Variants in USP6 observed in about 807,000 individuals in gnomAD.
The protein encoded by USP6 is ubiquitin carboxyl-terminal hydrolase 6.
Under a neutral mutation model 175.7 loss-of-function variants are expected in USP6, and 128 were observed. The observed-to-expected ratio is 0.73, with a 90% CI of 0.63 to 0.84. The LOEUF is 0.84. USP6 is among the 40% of genes least tolerant of loss of function. The pLI, the probability that USP6 is intolerant of heterozygous loss-of-function variation, is 0.00. For missense variants in USP6, 1,498 were observed against 1,760.3 expected (o/e 0.85, Z 2.67); for synonymous variants, 562 against 630.6 (o/e 0.89, Z 1.63).
intron 31 of USP6, among the ~76,000 whole-genome samples, chr17:5,155,958 A>C (rs1403124322): frequency 6.6e-6 from 1 of 152,166 alleles, no homozygotes; most frequent in Non-Finnish European, 1.5e-5. Context: ...GTGTTGCAGA[A>C]GTAGAGAGTA....
rs757258155 is a variant in USP6, at chr17:5,146,086, A to G, written c.2231A>G (p.Tyr744Cys). The G allele has an allele frequency of 3.1e-6, 5 of 1,613,396 alleles. No individual in the cohort carries two copies. The African/African-American group carries it at 4.0e-5, about 13-fold the overall frequency. Residue 744 changes from tyrosine to cysteine, a missense_variant, in exon 28 of 38, where the codon TAC becomes TGC. Physicochemically the swap from Tyr to Cys is radical, Grantham distance 194. This residue lies in a region of USP6 where 1,217 missense variants were observed against 1,500.8 expected (regional missense o/e 0.81). Transcript: ENST00000574788. ...CTAAGACTGAATATGGATGAAAAGT[A>G]CACAGGTTTAAAAAAACAGCTGAGG... ...YGLRLNMDEK[Y>C]TGLKKQLRDL...
chr17:5,169,845 C>T (rs560460066), intron 35 of USP6, among the ~76,000 whole-genome samples: 5 of 152,306 alleles, frequency 3.3e-5, no homozygotes, highest in South Asian at 4.1e-4. Context: ...GGAATAATAT[C>T]GTCACTTTGA....
chr17:5,133,453 G>A lies in USP6; in HGVS notation c.287G>A (p.Arg96Gln), dbSNP rs113754955. 10 of 1,611,270 alleles carry A rather than the reference G, an allele frequency of 6.2e-6. No individual in the cohort carries two copies. Among genetic ancestry groups the A allele is most frequent in the African/African-American group, 2.7e-5 (2 of 74,836 alleles). The change falls in exon 14 of 38, where the codon CGA becomes CAA. Residue 96 changes from arginine (R) to glutamine (Q), a missense_variant. Arg to Gln is a conservative substitution (Grantham distance 43, BLOSUM62 1). Around this residue, in one of 2 missense-constraint regions of USP6, gnomAD observed 281 missense variants for 259.6 expected, o/e 1.08. Transcript: ENST00000574788. ...TYKHSSKLID[R>Q]VYKGIPMNIR... ...CTTTTCTGCCCACAGCTCATAGATC[G>A]AGTGTACAAGGGAATTCCCATGAAC...
intron 30 of USP6, among the ~76,000 whole-genome samples, chr17:5,153,145 G>A (rs2073810444): frequency 6.6e-6 from 1 of 152,198 alleles, no homozygotes; most frequent in Non-Finnish European, 1.5e-5. Flanking sequence ...GTAACATTTA[G>A]AATAATAGTT....
In USP6 at chr17:5,135,801, C is replaced by G; in HGVS notation, c.544-7C>G. ...ATGTCCTTCCATGGTGACTCTGGCT[C>G]TTGCAGGAGGTGGGCTACTGCAGGG... On this transcript the variant is annotated splice_polypyrimidine_tract_variant and splice_region_variant and intron_variant, in intron 16 of 37. Coordinates refer to ENST00000574788, the MANE Select transcript of USP6 (RefSeq NM_001304284.2). 1.3e-6 allele frequency: 2 copies of G among 1,597,830 alleles called. No individual in the cohort carries two copies. Among genetic ancestry groups the G allele is most frequent in the East Asian group, 2.2e-5 (1 of 44,878 alleles).
At chr17:5,144,121 C>G (rs2073537076) in intron 25 of USP6, among the ~76,000 whole-genome samples, 1 of 152,070 alleles carries the variant, frequency 6.6e-6, no homozygotes, top group Non-Finnish European at 1.5e-5. Flanking sequence ...TTGCCAGGCA[C>G]TATTCTAATT....
rs1035744738 is a variant in USP6, at chr17:5,116,172, C to T, written c.-2496C>T. 1.3e-5 allele frequency among the ~76,000 whole-genome samples: 2 copies of T among 150,424 alleles called. No homozygotes were observed. Among genetic ancestry groups the T allele is most frequent in the African/African-American group, 4.8e-5 (2 of 41,322 alleles). ...TTGGCGGCCGCGCCCATGCTGTCCC[C>T]GCTCCAACTAGCAGTCAGGAGGGGC... is the stretch of plus-strand genomic sequence containing the variant. On this transcript the variant is annotated 5_prime_UTR_variant, in exon 1 of 38. Transcript: ENST00000574788.
chr17:5,147,245 CT>C, intron 29 of USP6, 51 bp downstream of exon 29: 1 of 1,518,154 alleles, frequency 6.6e-7, no homozygotes, highest in Non-Finnish European at 9.0e-7. Flanking sequence ...AAATATTTGT[CT>C]AAGAGTTGTC....
chr17:5,174,589 C>T lies in USP6; in HGVS notation c.*1611C>T, dbSNP rs1191857624. On this transcript the variant is annotated 3_prime_UTR_variant, in exon 38 of 38. Coordinates refer to ENST00000574788, the MANE Select transcript of USP6 (RefSeq NM_001304284.2). ...GCACACTTTATAGTTTCAAGATTTTCAGTAAATAAAATCTGTCCATTCCTA... is the reference window on the plus strand; with the variant it reads ...GCACACTTTATAGTTTCAAGATTTTTAGTAAATAAAATCTGTCCATTCCTA... The T allele has an allele frequency of 2.6e-5, 5 of 193,732 alleles. No individual in the cohort carries two copies. The highest frequency in any genetic ancestry group is 5.4e-5 in the Non-Finnish European group (5 of 92,740). 12.0% of individuals were successfully genotyped at this position (193,732 alleles called of 1,614,324 possible).
intron 37 of USP6, among the ~76,000 whole-genome samples, chr17:5,172,457 G>A (rs893022155): frequency 1.4e-4 from 22 of 152,204 alleles, no homozygotes; most frequent in African/African-American, 1.2e-4. Flanking sequence ...CTTGAACCCG[G>A]GAGGCAGAGG....
At chr17:5,148,459 G>A in intron 29 of USP6, 97 bp from the exon 30 acceptor site, 1 of 1,389,980 alleles carries the variant, frequency 7.2e-7, no homozygotes, top group Non-Finnish European at 1.0e-6. Flanking sequence ...CCTGTGTTAA[G>A]AGACTACACT....
chr17:5,144,001 A>C (rs1429522411), intron 25 of USP6, among the ~76,000 whole-genome samples: 1 of 152,178 alleles, frequency 6.6e-6, no homozygotes, highest in Non-Finnish European at 1.5e-5. Flanking sequence ...CACATGTAGT[A>C]GATTTTGGTG....
rs941862849 is a variant in USP6 at position 5,148,473 on chromosome 17, T to G, written c.2432-83T>G. 4.7e-6 allele frequency: 7 copies of G among 1,497,012 alleles called. No homozygotes were observed. The African/African-American group carries it at 8.3e-5, about 18-fold the overall frequency. The allele number at this position is 1,497,012 out of a possible 1,614,324, so 92.7% of individuals were successfully genotyped here. A position where few individuals can be genotyped will look rare whatever the true frequency, so the allele number is the denominator to read the frequency against. On this transcript the variant is annotated intron_variant, in intron 29 of 37. Coordinates refer to ENST00000574788, the MANE Select transcript of USP6 (RefSeq NM_001304284.2). ...CCCTGTGTTAAGAGACTACACTGTC[T>G]CTCGTCCTCAGGATACTTGAGAAAA...
intron 2 of USP6, 133 bp from the exon 3 acceptor site, chr17:5,120,494 G>A: frequency 3.1e-6 from 1 of 325,696 alleles, no homozygotes; most frequent in Non-Finnish European, 6.0e-6. Flanking sequence ...AGGGTGAGGA[G>A]CTGTTGGCCT....
At chr17:5,162,344 GT>G (rs1252589493) in intron 32 of USP6, among the ~76,000 whole-genome samples, 1 of 152,034 alleles carries the variant, frequency 6.6e-6, no homozygotes, top group East Asian at 1.9e-4. Context: ...TAGGAATGGG[GT>G]TTTGCCATGT....
intron 37 of USP6, 152 bp from the exon 38 acceptor site, chr17:5,172,653 T>C (rs372941049): frequency 6.9e-6 from 7 of 1,016,466 alleles, no homozygotes; most frequent in Non-Finnish European, 9.9e-6. Flanking sequence ...TGGGGCTCAT[T>C]TTAAAGGGGC....
At chr17:5,155,802 A>G (rs1302692169) in intron 31 of USP6, among the ~76,000 whole-genome samples, 196 bp downstream of exon 31, 2 of 152,220 alleles carry the variant, frequency 1.3e-5, no homozygotes, top group African/African-American at 4.8e-5. Context: ...AGAGCATACA[A>G]TTCAACCATT....
At chr17:5,140,007 A>AAAG (rs1310420857) in intron 22 of USP6, among the ~76,000 whole-genome samples, 28 of 152,156 alleles carry the variant, frequency 1.8e-4, no homozygotes, top group Non-Finnish European at 2.9e-5. Flanking sequence ...GCACAGATGG[A>AAAG]ACACACCAGC....
chr17:5,121,425 C>T lies in USP6; in HGVS notation c.-1624C>T, dbSNP rs572195006. On this transcript the variant is annotated 5_prime_UTR_variant, in exon 4 of 38. Transcript: ENST00000574788. ...CCACCAACACAGAGGCCCTGCAGAG[C>T]GGCAGGATAGAGATATGGAGCTCTA... 1.3e-3 allele frequency: 400 copies of T among 315,058 alleles called. 3 individuals are homozygous for T. The highest frequency in any genetic ancestry group is 2.2e-3 in the Middle Eastern group (2 of 902). 19.5% of individuals were successfully genotyped at this position (315,058 alleles called of 1,614,324 possible). A position where few individuals can be genotyped will look rare whatever the true frequency, so the allele number is the denominator to read the frequency against.
Sources: gnomAD v4.1 joint callset for allele counts (sites outside exome capture counted in the v4.1 genomes callset) on GRCh38, gnomAD v4.1.1 for gene constraint, gnomAD v4.1.1 regional missense constraint, MANE v1.5 for transcripts, NCBI Gene and HGNC (gene_info 2026-07-23, HGNC 2026-07-21) for gene names.